Variants in PTPRT observed in about 807,000 individuals in gnomAD.
PTPRT encodes the protein receptor-type tyrosine-protein phosphatase T.
In PTPRT, 56 loss-of-function variants were observed where a neutral mutation model predicts 176.8. The observed-to-expected ratio is 0.32, with a 90% CI of 0.26 to 0.40. The LOEUF (loss-of-function observed/expected upper bound fraction) is 0.40. PTPRT is among the 10% of genes least tolerant of loss of function. The pLI is 1.00. For synonymous variants in PTPRT, 783 were observed against 739.0 expected, an observed-to-expected ratio of 1.06 and a Z score of -0.96; for missense variants, 1,540 against 1,908.2, an observed-to-expected ratio of 0.81 and a Z score of 3.60.
In PTPRT at chr20:42,774,195, A is replaced by G. The variant is rs183443508; in HGVS notation, c.569-2645T>C. 1.5e-4 allele frequency among the ~76,000 whole-genome samples: 23 copies of G among 152,346 alleles called. 1 individual carries two copies. Among genetic ancestry groups the G allele is most frequent in the African/African-American group, 5.3e-4 (22 of 41,580 alleles). ...TAATAAAGTCGTTCAGCTGTAAAAC[A>G]AAACAAAAATACCACCTCCTTGCCC... On this transcript the variant is annotated intron_variant, in intron 4 of 30. Transcript: ENST00000373187.
chr20:42,891,574 G>A, intron 1 of PTPRT, among the ~76,000 whole-genome samples: 1 of 152,180 alleles, frequency 6.6e-6, no homozygotes. Context: ...ATACATTAAA[G>A]CATAAATAAA....
chr20:42,342,189 A>G (rs2058121681), intron 11 of PTPRT, among the ~76,000 whole-genome samples: 2 of 152,166 alleles, frequency 1.3e-5, no homozygotes, highest in African/African-American at 2.4e-5. Context: ...TAACCCTTCA[A>G]TATGTATCCC....
chr20:42,976,122 G>A (rs1982933958), intron 1 of PTPRT, among the ~76,000 whole-genome samples: 1 of 152,152 alleles, frequency 6.6e-6, no homozygotes, highest in African/African-American at 2.4e-5. Flanking sequence ...TCAACATCTG[G>A]AAGCAAATCC....
At chr20:42,236,906 G>C (rs529866791) in intron 14 of PTPRT, among the ~76,000 whole-genome samples, 1 of 152,040 alleles carries the variant, frequency 6.6e-6, no homozygotes, top group African/African-American at 2.4e-5. Flanking sequence ...ATAGAATGTG[G>C]TAGGAATTAT....
intron 1 of PTPRT, among the ~76,000 whole-genome samples, chr20:42,889,461 C>T (rs1156588709): frequency 2.0e-5 from 3 of 152,352 alleles, no homozygotes; most frequent in Middle Eastern, 3.4e-3. Context: ...TCAGGCCCCA[C>T]TGTCAATTCT....
At chr20:42,497,196 T>C (rs1419106930) in intron 7 of PTPRT, among the ~76,000 whole-genome samples, 1 of 152,182 alleles carries the variant, frequency 6.6e-6, no homozygotes, top group Non-Finnish European at 1.5e-5. Flanking sequence ...GTCCTTGTCA[T>C]AAACCTGAGT....
intron 15 of PTPRT, among the ~76,000 whole-genome samples, chr20:42,234,937 T>C (rs2056210521): frequency 6.6e-6 from 1 of 152,196 alleles, no homozygotes; most frequent in African/African-American, 2.4e-5. Flanking sequence ...GTAATGCTAT[T>C]AGGCACAGCC....
At chr20:43,044,602 C>T (rs1247242932) in intron 1 of PTPRT, among the ~76,000 whole-genome samples, 1 of 152,158 alleles carries the variant, frequency 6.6e-6, no homozygotes, top group East Asian at 1.9e-4. Context: ...TGCCGCATGC[C>T]CTTGTTACTG....
At chr20:42,139,014 CG>C (rs1282599001) in intron 18 of PTPRT, among the ~76,000 whole-genome samples, 3 of 152,192 alleles carry the variant, frequency 2.0e-5, no homozygotes, top group Non-Finnish European at 4.4e-5. Context: ...TATCAAGCCT[CG>C]GCAGGCTTTG....
chr20:42,708,656 C>T (rs1197019678), intron 6 of PTPRT, among the ~76,000 whole-genome samples: 1 of 152,228 alleles, frequency 6.6e-6, no homozygotes, highest in Non-Finnish European at 1.5e-5. Context: ...TTTCTCTTTC[C>T]ATAGCTACCT....
At chr20:42,197,905 C>T (rs1265552867) in intron 16 of PTPRT, among the ~76,000 whole-genome samples, 2 of 152,152 alleles carry the variant, frequency 1.3e-5, no homozygotes, top group African/African-American at 4.8e-5. Flanking sequence ...AAAGACAGTA[C>T]ATCAGTATCT....
intron 11 of PTPRT, among the ~76,000 whole-genome samples, chr20:42,338,089 A>G (rs1340413082): frequency 6.6e-6 from 1 of 152,000 alleles, no homozygotes; most frequent in Non-Finnish European, 1.5e-5. Context: ...CCAAGAAATT[A>G]TGCATTCGTT....
At chr20:42,356,282 C>T (rs1477050185) in intron 9 of PTPRT, among the ~76,000 whole-genome samples, 2 of 152,164 alleles carry the variant, frequency 1.3e-5, no homozygotes, top group African/African-American at 2.4e-5. Context: ...CACAGCTGCA[C>T]ATCAACCCTG....
intron 1 of PTPRT, among the ~76,000 whole-genome samples, chr20:43,009,404 A>G (rs1453412222): frequency 6.6e-6 from 1 of 152,148 alleles, no homozygotes; most frequent in Non-Finnish European, 1.5e-5. Flanking sequence ...ATCAATAAAC[A>G]CAGCCCAGAG....
At chr20:42,598,809 A>G (rs1042129784) in intron 7 of PTPRT, among the ~76,000 whole-genome samples, 13 of 152,102 alleles carry the variant, frequency 8.5e-5, no homozygotes, top group African/African-American at 2.4e-4. Context: ...AGTGCCTTCT[A>G]TTGTGGCTGC....
chr20:42,765,081 T>C (rs547727397), intron 5 of PTPRT, among the ~76,000 whole-genome samples: 2 of 152,350 alleles, frequency 1.3e-5, no homozygotes, highest in East Asian at 3.9e-4. Context: ...GATTCAGATC[T>C]GCTCCCAGTC....
chr20:42,295,246 A>G (rs2057371235), intron 12 of PTPRT, among the ~76,000 whole-genome samples: 1 of 152,220 alleles, frequency 6.6e-6, no homozygotes, highest in Admixed American at 6.5e-5. Flanking sequence ...CACATGCAAG[A>G]GAATTAGACT....
intron 17 of PTPRT, among the ~76,000 whole-genome samples, chr20:42,155,894 G>A (rs1989329394): frequency 6.6e-6 from 1 of 152,184 alleles, no homozygotes; most frequent in Non-Finnish European, 1.5e-5. Flanking sequence ...ACTTTAGAAA[G>A]TCCTGCTCTC....
chr20:42,097,917 C>T (rs1274813100), intron 27 of PTPRT, among the ~76,000 whole-genome samples: 1 of 152,318 alleles, frequency 6.6e-6, no homozygotes, highest in South Asian at 2.1e-4. Flanking sequence ...AGGAAGCCTG[C>T]CGGGGAACAA....
Sources: gnomAD v4.1 joint callset for allele counts (sites outside exome capture counted in the v4.1 genomes callset) on GRCh38, gnomAD v4.1.1 for gene constraint, MANE v1.5 for transcripts, NCBI Gene and HGNC (gene_info 2026-07-23, HGNC 2026-07-21) for gene names.